Variants in RBFOX1 observed in about 807,000 individuals in gnomAD.
RBFOX1 encodes the protein RNA binding protein fox-1 homolog 1.
Under a neutral mutation model 57.7 loss-of-function variants are expected in RBFOX1, and 8 were observed. The ratio of observed to expected loss-of-function variants is 0.14; its 90% confidence interval spans 0.08 to 0.25. The LOEUF (loss-of-function observed/expected upper bound fraction) is 0.25, where lower values mean the gene tolerates loss of function less well. RBFOX1 is among the 10% of genes least tolerant of loss of function. RBFOX1 has a pLI of 1.00. For synonymous variants in RBFOX1, 326 were observed against 222.4 expected (o/e 1.47, Z -4.15); for missense variants, 611 against 548.5 (o/e 1.11, Z -1.14).
At chr16:5,709,841 A>ATT (rs2051411792) in intron 3 of RBFOX1, among the ~76,000 whole-genome samples, 1 of 5,698 alleles carries the variant, frequency 1.8e-4, no homozygotes, top group African/African-American at 3.7e-4. Context: ...ATATATATAT[A>ATT]TATTTTTTTT....
chr16:7,455,902 G>A (rs1478456580), intron 4 of RBFOX1, among the ~76,000 whole-genome samples: 1 of 151,752 alleles, frequency 6.6e-6, no homozygotes, highest in East Asian at 1.9e-4. Context: ...TTCATTCTCT[G>A]TTTTTATTCT....
At position 6,985,852 on chromosome 16, in the gene RBFOX1, A is replaced by AAAACAAT. The variant is rs1555718884; in HGVS notation, c.-15-66205_-15-66204insAAACAAT. ...TCATGTAAAAAAAAAAAAAAACAGA[A>AAAACAAT]TTTTTTTTTCTTTTTTCTTTTTCTT... is the stretch of plus-strand genomic sequence containing the variant. On this transcript the variant is annotated intron_variant, in intron 3 of 15. Transcript: ENST00000550418. Among the ~76,000 whole-genome samples, 5 of 135,640 alleles carry AAAACAAT rather than the reference A, an allele frequency of 3.7e-5. 1 individual carries two copies. Among genetic ancestry groups the AAAACAAT allele is most frequent in the South Asian group, 4.7e-4 (2 of 4,250 alleles). The allele number at this position is 135,640 out of a possible 152,430, so 89.0% of individuals were successfully genotyped here. A position where few individuals can be genotyped will look rare whatever the true frequency, so the allele number is the denominator to read the frequency against.
rs193036608 is a variant in RBFOX1, at chr16:5,461,676, C to T, written c.220-5540C>T. On this transcript the variant is annotated intron_variant, in intron 1 of 2. Transcript: ENST00000585867. Reference sequence around the variant, plus strand: ...ATCTCAAAAATAGACCTGGTGGCCACGGTGCATTTGGTGGGTTTCCTTGGC... The same window carrying T: ...ATCTCAAAAATAGACCTGGTGGCCATGGTGCATTTGGTGGGTTTCCTTGGC... Among the ~76,000 whole-genome samples, 39 of 152,242 alleles carry T rather than the reference C, an allele frequency of 2.6e-4. No individual in the cohort carries two copies. In the East Asian group the frequency reaches 6.6e-3, roughly 26 times the overall value.
intron 5 of RBFOX1, among the ~76,000 whole-genome samples, chr16:7,551,294 A>G (rs1289765922): frequency 2.0e-5 from 3 of 152,034 alleles, no homozygotes; most frequent in African/African-American, 7.2e-5. Flanking sequence ...AAGTCACCAT[A>G]CAAGCAACAG....
intron 1 of RBFOX1, among the ~76,000 whole-genome samples, chr16:5,391,909 GCA>G (rs1284093916): frequency 2.1e-5 from 3 of 141,396 alleles, no homozygotes; most frequent in African/African-American, 8.4e-5. Context: ...ACACACACAC[GCA>G]CACACATATA....
chr16:7,266,177 G>A (rs1252377777), intron 4 of RBFOX1, among the ~76,000 whole-genome samples: 1 of 151,858 alleles, frequency 6.6e-6, no homozygotes, highest in African/African-American at 2.4e-5. Context: ...GGGTTTCACT[G>A]TGTTACCCAA....
intron 4 of RBFOX1, among the ~76,000 whole-genome samples, chr16:5,951,441 C>A (rs1195897930): frequency 1.3e-5 from 2 of 151,970 alleles, no homozygotes; most frequent in East Asian, 3.9e-4. Context: ...CAGCAAGACT[C>A]CATCTCAAAA....
chr16:6,747,213 G>A (rs2073886584), intron 3 of RBFOX1, among the ~76,000 whole-genome samples: 1 of 152,102 alleles, frequency 6.6e-6, no homozygotes, highest in Admixed American at 6.6e-5. Context: ...TTCGAGACCA[G>A]CCTGACTCAC....
intron 4 of RBFOX1, among the ~76,000 whole-genome samples, chr16:7,090,812 A>G (rs547861484): frequency 6.6e-6 from 1 of 152,246 alleles, no homozygotes; most frequent in Admixed American, 6.5e-5. Flanking sequence ...AGTCACGTTT[A>G]CTGAGGATGT....
At chr16:6,271,697 T>A (rs1383857345) in intron 1 of RBFOX1, among the ~76,000 whole-genome samples, 1 of 152,166 alleles carries the variant, frequency 6.6e-6, no homozygotes, top group Non-Finnish European at 1.5e-5. Flanking sequence ...TTTGACAACT[T>A]AGATGAAATG....
rs1202430958 is a variant in RBFOX1 at position 7,619,686 on chromosome 16, A to C, written c.677-10917A>C. Among the ~76,000 whole-genome samples, 4 of 152,312 alleles carry C rather than the reference A, an allele frequency of 2.6e-5. No individual in the cohort carries two copies. The East Asian group carries it at 7.7e-4, about 29-fold the overall frequency. Reference sequence around the variant, plus strand: ...AGAGGCTCTTATTCCCAAGAAGATAAGAAGAGAGTATAGAAGGCCTTCTAG... The same window carrying C: ...AGAGGCTCTTATTCCCAAGAAGATACGAAGAGAGTATAGAAGGCCTTCTAG... On this transcript the variant is annotated intron_variant, in intron 10 of 15. Coordinates refer to ENST00000550418, the MANE Select transcript of RBFOX1 (RefSeq NM_018723.4).
chr16:7,313,174 G>A (rs952190791), intron 4 of RBFOX1, among the ~76,000 whole-genome samples: 7 of 152,138 alleles, frequency 4.6e-5, no homozygotes, highest in African/African-American at 1.7e-4. Flanking sequence ...GCTTTGCTTT[G>A]GATCTATCTA....
At chr16:6,202,764 A>G (rs1252020793) in intron 1 of RBFOX1, among the ~76,000 whole-genome samples, 1 of 151,968 alleles carries the variant, frequency 6.6e-6, no homozygotes, top group Non-Finnish European at 1.5e-5. Context: ...TTCTTTATGT[A>G]ATTTATTTTT....
At chr16:5,831,488 A>ATTATTATTC (rs151301883) in intron 3 of RBFOX1, among the ~76,000 whole-genome samples, 4 of 147,720 alleles carry the variant, frequency 2.7e-5, no homozygotes, top group Middle Eastern at 3.5e-3. Flanking sequence ...TATTATTATT[A>ATTATTATTC]TTATTATTAT....
intron 3 of RBFOX1, among the ~76,000 whole-genome samples, 195 bp from the exon 4 acceptor site, chr16:7,051,862 G>C (rs961249213): frequency 4.6e-5 from 7 of 152,116 alleles, no homozygotes; most frequent in African/African-American, 1.7e-4. Context: ...ACTTATCCTA[G>C]CTGTGCTTCT....
At chr16:6,803,692 C>T (rs1403314322) in intron 3 of RBFOX1, among the ~76,000 whole-genome samples, 1 of 152,140 alleles carries the variant, frequency 6.6e-6, no homozygotes, top group East Asian at 1.9e-4. Flanking sequence ...AGATATTTTA[C>T]CAGACAGAGA....
intron 4 of RBFOX1, among the ~76,000 whole-genome samples, chr16:5,928,270 G>A (rs1399673921): frequency 1.3e-5 from 2 of 151,602 alleles, no homozygotes. Context: ...TTGTAGAGAC[G>A]GGGGTCTCAC....
chr16:7,407,558 T>C (rs979120118), intron 4 of RBFOX1, among the ~76,000 whole-genome samples: 1 of 152,136 alleles, frequency 6.6e-6, no homozygotes, highest in Admixed American at 6.6e-5. Flanking sequence ...GGGCACAGTT[T>C]GTATTTCCTG....
At position 5,573,018 on chromosome 16, in the gene RBFOX1, A is replaced by T. The variant is rs549509852; in HGVS notation, c.259-25884A>T. 3.3e-5 allele frequency among the ~76,000 whole-genome samples: 5 copies of T among 152,264 alleles called. No homozygotes were observed. The East Asian group carries it at 9.7e-4, about 30-fold the overall frequency. ...TGATGAAGGCTGCCCCAGCCACTGCATGTACAGAGGGCCATATGGGGCAGG... is the reference window on the plus strand; with the variant it reads ...TGATGAAGGCTGCCCCAGCCACTGCTTGTACAGAGGGCCATATGGGGCAGG... On this transcript the variant is annotated intron_variant, in intron 2 of 2. Transcript: ENST00000585867.
Sources: gnomAD v4.1 joint callset for allele counts (sites outside exome capture counted in the v4.1 genomes callset) on GRCh38, gnomAD v4.1.1 for gene constraint, MANE v1.5 for transcripts, NCBI Gene and HGNC (gene_info 2026-07-23, HGNC 2026-07-21) for gene names.